The following BABAM2 variants were observed in gnomAD, a reference collection of about 807,000 sequenced individuals.
BABAM2 encodes the protein BRISC and BRCA1 A complex member 2, also known as BRISC and BRCA1-A complex member 2.
BABAM2 carries 31 observed loss-of-function variants against 54.7 expected under a neutral mutation model. The ratio of observed to expected loss-of-function variants is 0.57; its 90% CI spans 0.43 to 0.77. The LOEUF (loss-of-function observed/expected upper bound fraction) is 0.77, where lower values mean the gene tolerates loss of function less well. BABAM2 is among the 30% of genes least tolerant of loss of function. The pLI is 0.00. For synonymous variants in BABAM2, 167 were observed against 162.9 expected, an observed-to-expected ratio of 1.03 and a Z score of -0.19; for missense variants, 364 against 455.8, an observed-to-expected ratio of 0.80 and a Z score of 1.83.
intron 4 of BABAM2, among the ~76,000 whole-genome samples, chr2:27,994,703 A>G (rs1256223216): frequency 6.6e-6 from 1 of 152,098 alleles, no homozygotes; most frequent in African/African-American, 2.4e-5. Context: ...TCTACTATTG[A>G]TTGACACTTA....
intron 10 of BABAM2, among the ~76,000 whole-genome samples, chr2:28,285,816 C>G (rs531264400): frequency 6.6e-6 from 1 of 152,004 alleles, no homozygotes; most frequent in African/African-American, 2.4e-5. Context: ...GCGATCCTCC[C>G]GCCTAGGCTC....
chr2:27,911,499 G>A (rs1210881905), intron 2 of BABAM2, among the ~76,000 whole-genome samples: 5 of 152,004 alleles, frequency 3.3e-5, no homozygotes, highest in African/African-American at 7.3e-5. Flanking sequence ...GGAAATCAGG[G>A]GAGAAGAAAA....
At chr2:28,044,066 AAT>A (rs1452508141) in intron 5 of BABAM2, among the ~76,000 whole-genome samples, 3 of 152,182 alleles carry the variant, frequency 2.0e-5, no homozygotes, top group Non-Finnish European at 1.5e-5. Flanking sequence ...GTAATGAAGA[AAT>A]GCTCTGTCCT....
chr2:27,997,540 T>C (rs1044806235), intron 4 of BABAM2, among the ~76,000 whole-genome samples: 5 of 152,212 alleles, frequency 3.3e-5, no homozygotes, highest in Non-Finnish European at 7.3e-5. Context: ...GTTGCTATTA[T>C]AGCTAATTAT....
chr2:28,037,927 C>A (rs1243608196), intron 5 of BABAM2, among the ~76,000 whole-genome samples: 2 of 151,972 alleles, frequency 1.3e-5, no homozygotes, highest in African/African-American at 2.4e-5. Context: ...GGGATAGTAT[C>A]AAAATGTTTA....
At chr2:28,103,445 A>C (rs987910794) in intron 6 of BABAM2, among the ~76,000 whole-genome samples, 2 of 152,062 alleles carry the variant, frequency 1.3e-5, no homozygotes, top group Non-Finnish European at 2.9e-5. Flanking sequence ...AGTAGCTGAC[A>C]CTATAGACAC....
rs554463944 is a variant in BABAM2 at position 28,104,581 on chromosome 2, A to C, written c.571-24690A>C. Among the ~76,000 whole-genome samples, 4 of 152,326 alleles carry C rather than the reference A, an allele frequency of 2.6e-5. No homozygotes were observed. The East Asian group carries it at 7.7e-4, about 29-fold the overall frequency. Reference sequence around the variant, plus strand: ...TGTGGAGAAATAGGAACACTTTTACACTGTTGGTGGGACTGTAAACTAGTT... The same window carrying C: ...TGTGGAGAAATAGGAACACTTTTACCCTGTTGGTGGGACTGTAAACTAGTT... On this transcript the variant is annotated intron_variant, in intron 6 of 11. Transcript: ENST00000379624.
chr2:28,061,446 G>A (rs1401066911), intron 6 of BABAM2, among the ~76,000 whole-genome samples: 8 of 151,542 alleles, frequency 5.3e-5, no homozygotes, highest in Non-Finnish European at 8.8e-5. Flanking sequence ...TTAGCTGGGC[G>A]TGGTGGCGGG....
chr2:28,186,419 T>A (rs890318460), intron 7 of BABAM2, among the ~76,000 whole-genome samples: 1 of 152,076 alleles, frequency 6.6e-6, no homozygotes, highest in Non-Finnish European at 1.5e-5. Context: ...TTAGAGGATG[T>A]TACACTTTAG....
At chr2:28,312,932 A>G (rs1689200373) in intron 11 of BABAM2, among the ~76,000 whole-genome samples, 1 of 152,208 alleles carries the variant, frequency 6.6e-6, no homozygotes, top group Admixed American at 6.5e-5. Flanking sequence ...TATCAAGATT[A>G]GAACCCTATG....
At chr2:28,272,831 G>A (rs1685537918) in intron 10 of BABAM2, among the ~76,000 whole-genome samples, 1 of 152,164 alleles carries the variant, frequency 6.6e-6, no homozygotes, top group Admixed American at 6.5e-5. Flanking sequence ...CTCTGCGTGA[G>A]GGAGCTGGGG....
chr2:28,186,273 C>T (rs898479803), intron 7 of BABAM2, among the ~76,000 whole-genome samples: 13 of 152,136 alleles, frequency 8.5e-5, no homozygotes, highest in African/African-American at 1.4e-4. Context: ...AATGAACCTT[C>T]GATACCCATC....
chr2:28,004,059 C>T (rs1023467981), intron 4 of BABAM2, among the ~76,000 whole-genome samples: 1 of 147,108 alleles, frequency 6.8e-6, no homozygotes, highest in Non-Finnish European at 1.5e-5. Context: ...AGAATGGGCA[C>T]ATTACAGAGG....
Position 28,338,431 on chromosome 2 carries a change from TC to T in BABAM2, c.1089-15del. The T allele has an allele frequency of 6.2e-7, 1 of 1,611,148 alleles. No homozygotes were observed. The highest frequency in any genetic ancestry group is 8.5e-7 in the Non-Finnish European group (1 of 1,177,346). ...TTTGTGCTAACCACAATTTTTTTTCTCCCCTTCTTTCCCACCAGGGCTTATT... is the reference window on the plus strand; with the variant it reads ...TTTGTGCTAACCACAATTTTTTTTCTCCCTTCTTTCCCACCAGGGCTTATT... On this transcript the variant is annotated intron_variant, in intron 11 of 11. Transcript: ENST00000379624.
upstream of BABAM2, chr2:27,890,396 C>A (rs1013403664): frequency 5.2e-6 from 8 of 1,550,616 alleles, no homozygotes; most frequent in African/African-American, 8.2e-5. This position sits in a 1 kb window ranked among gnomAD's most constrained non-coding sequence, Gnocchi z 4.8. Flanking sequence ...GCCCTTTGCC[C>A]GACCCCGTAA....
chr2:28,173,166 A>AT (rs1308746585), intron 7 of BABAM2, among the ~76,000 whole-genome samples: 6 of 152,328 alleles, frequency 3.9e-5, no homozygotes, highest in African/African-American at 1.2e-4. Context: ...TAACATTTGA[A>AT]TTTTGGGGTG....
chr2:28,127,257 A>T (rs1669632736), intron 6 of BABAM2, among the ~76,000 whole-genome samples: 1 of 152,186 alleles, frequency 6.6e-6, no homozygotes, highest in Non-Finnish European at 1.5e-5. Context: ...GGCCAAAGAG[A>T]CAAGAAAAGA....
At chr2:27,999,606 TC>T (rs1038342196) in intron 4 of BABAM2, among the ~76,000 whole-genome samples, 4 of 152,266 alleles carry the variant, frequency 2.6e-5, no homozygotes, top group African/African-American at 4.8e-5. Context: ...TTTTCCTTCT[TC>T]CTAGTATGAT....
chr2:28,172,302 A>G (rs1484511797), intron 7 of BABAM2, among the ~76,000 whole-genome samples: 1 of 152,140 alleles, frequency 6.6e-6, no homozygotes, highest in African/African-American at 2.4e-5. Context: ...TTTTCTCATC[A>G]AAACAACAAG....
Sources: gnomAD v4.1 joint callset for allele counts (sites outside exome capture counted in the v4.1 genomes callset) on GRCh38, gnomAD v4.1.1 for gene constraint, Gnocchi (gnomAD v3.1) non-coding constraint, MANE v1.5 for transcripts, NCBI Gene and HGNC (gene_info 2026-07-23, HGNC 2026-07-21) for gene names.